CACNA2D3: variants seen among roughly 807,000 people sequenced by gnomAD.
CACNA2D3 encodes voltage-dependent calcium channel subunit alpha-2/delta-3.
Under a neutral mutation model 160.6 loss-of-function variants are expected in CACNA2D3, and 60 were observed. That is an observed-to-expected ratio of 0.37 (90% CI 0.30 to 0.46). The LOEUF is 0.46. Among genes scored for constraint, CACNA2D3 ranks in the 20% least tolerant of loss-of-function variants. The pLI, the probability that CACNA2D3 is intolerant of heterozygous loss-of-function variation, is 1.00. For missense variants in CACNA2D3, 1,205 were observed against 1,365.0 expected, an observed-to-expected ratio of 0.88 and a Z score of 1.85; for synonymous variants, 558 against 492.9, an observed-to-expected ratio of 1.13 and a Z score of -1.75.
At chr3:55,040,154 TTTC>T in intron 35 of CACNA2D3, among the ~76,000 whole-genome samples, 1 of 152,170 alleles carries the variant, frequency 6.6e-6, no homozygotes, top group East Asian at 1.9e-4. Flanking sequence ...TCGTCTCTGG[TTTC>T]TTCTTAGGAG....
chr3:54,999,467 T>G (rs991769652), intron 31 of CACNA2D3, among the ~76,000 whole-genome samples: 4 of 152,234 alleles, frequency 2.6e-5, no homozygotes, highest in African/African-American at 9.6e-5. Context: ...GTCATTTTGC[T>G]TCTCAGACTT....
intron 5 of CACNA2D3, among the ~76,000 whole-genome samples, chr3:54,524,156 A>G (rs925365695): frequency 6.6e-6 from 1 of 152,070 alleles, no homozygotes; most frequent in African/African-American, 2.4e-5. Flanking sequence ...ATTTTTCTCT[A>G]AACACTGCTG....
chr3:54,513,529 T>A (rs79717505), intron 5 of CACNA2D3, among the ~76,000 whole-genome samples: 67 of 152,292 alleles, frequency 4.4e-4, no homozygotes, highest in African/African-American at 1.6e-3. Context: ...TGCTCAGAAT[T>A]ACTCAGCTAG....
At chr3:54,187,821 C>G (rs1225539090) in intron 2 of CACNA2D3, among the ~76,000 whole-genome samples, 1 of 152,162 alleles carries the variant, frequency 6.6e-6, no homozygotes, top group African/African-American at 2.4e-5. Context: ...GAATCTAATG[C>G]CACCGCTGCC....
chr3:54,393,569 C>G (rs370533101), intron 4 of CACNA2D3, among the ~76,000 whole-genome samples: 20 of 152,348 alleles, frequency 1.3e-4, no homozygotes, highest in African/African-American at 4.6e-4. Flanking sequence ...CCTACCCCTC[C>G]CAGTCACTAT....
At chr3:54,562,733 G>A in intron 5 of CACNA2D3, 67 bp from the exon 6 acceptor site, 1 of 1,400,520 alleles carries the variant, frequency 7.1e-7, no homozygotes, top group South Asian at 1.2e-5. Flanking sequence ...AAGCAGCGTG[G>A]GATGCCAGGA....
intron 29 of CACNA2D3, among the ~76,000 whole-genome samples, chr3:54,978,981 T>C (rs1309238831): frequency 6.6e-6 from 1 of 152,256 alleles, no homozygotes; most frequent in Non-Finnish European, 1.5e-5. Context: ...CCTGATTATT[T>C]GTATACAGTG....
chr3:55,052,270 T>G (rs1008236836), intron 35 of CACNA2D3, among the ~76,000 whole-genome samples: 4 of 152,210 alleles, frequency 2.6e-5, no homozygotes, highest in Admixed American at 6.5e-5. Flanking sequence ...GATTTGGAGT[T>G]CTATTTTATT....
At chr3:54,340,877 G>T (rs1470903819) in intron 3 of CACNA2D3, among the ~76,000 whole-genome samples, 1 of 152,082 alleles carries the variant, frequency 6.6e-6, no homozygotes, top group Non-Finnish European at 1.5e-5. Flanking sequence ...TAATCAGAGG[G>T]TCCCCACACT....
At chr3:54,407,100 G>A (rs558726804) in intron 4 of CACNA2D3, among the ~76,000 whole-genome samples, 9 of 152,202 alleles carry the variant, frequency 5.9e-5, no homozygotes, top group Non-Finnish European at 1.0e-4. Flanking sequence ...CTTGAGTGGA[G>A]GAAATGACTA....
At chr3:54,191,394 TCAA>T (rs1051371159) in intron 2 of CACNA2D3, among the ~76,000 whole-genome samples, 9 of 96,066 alleles carry the variant, frequency 9.4e-5, no homozygotes, top group African/African-American at 3.9e-4. Context: ...TTTTAAAACA[TCAA>T]CATCATCATC....
chr3:54,208,505 G>T (rs1438983695), intron 2 of CACNA2D3, among the ~76,000 whole-genome samples: 2 of 152,182 alleles, frequency 1.3e-5, no homozygotes, highest in Non-Finnish European at 1.5e-5. Flanking sequence ...GTATGGAATT[G>T]TCAATCTCTG....
chr3:54,787,874 G>T (rs1413881131), intron 13 of CACNA2D3, among the ~76,000 whole-genome samples: 1 of 152,170 alleles, frequency 6.6e-6, no homozygotes, highest in African/African-American at 2.4e-5. Context: ...AGGCAGAAAA[G>T]GTAAAGGACA....
rs6769471 is a variant in CACNA2D3, at chr3:54,393,677, G to A, written c.381+6903G>A. On this transcript the variant is annotated intron_variant, in intron 4 of 37. Coordinates refer to ENST00000474759, the MANE Select transcript of CACNA2D3 (RefSeq NM_018398.3). ...GAGCAGTAAGGCTTCCTGTGCCTGA[G>A]CTAAAGAGGTACATCAACTCGTGGG... 3.2e-3 allele frequency among the ~76,000 whole-genome samples: 481 copies of A among 152,340 alleles called. 2 individuals are homozygous for A. The highest frequency in any genetic ancestry group is 0.011 in the African/African-American group (462 of 41,572).
At chr3:54,666,757 C>G (rs1700075087) in intron 11 of CACNA2D3, among the ~76,000 whole-genome samples, 2 of 152,198 alleles carry the variant, frequency 1.3e-5, no homozygotes. Flanking sequence ...GACAAAAGAT[C>G]AGTCTTATTT....
intron 9 of CACNA2D3, among the ~76,000 whole-genome samples, chr3:54,605,240 A>G (rs1363587977): frequency 1.3e-5 from 2 of 152,214 alleles, no homozygotes; most frequent in Admixed American, 1.3e-4. Flanking sequence ...TTACATCTGC[A>G]GCAACCCTTC....
intron 3 of CACNA2D3, among the ~76,000 whole-genome samples, chr3:54,342,171 A>C (rs1698366851): frequency 6.6e-6 from 1 of 152,204 alleles, no homozygotes; most frequent in Admixed American, 6.5e-5. Flanking sequence ...GTAGTATAAT[A>C]TTACTGTCTC....
In CACNA2D3 at chr3:54,533,027, AATTTGC is replaced by A. The variant is rs1221181916; in HGVS notation, c.544+29378_544+29383del. 5.9e-5 allele frequency among the ~76,000 whole-genome samples: 9 copies of A among 152,090 alleles called. No individual in the cohort carries two copies. The East Asian group carries it at 1.6e-3, about 26-fold the overall frequency. ...TAAGACGGTATCACATTGTGGCTTTAATTTGCATTTCTCTCATGATTAGTGGCCATG... is the reference window on the plus strand; with the variant it reads ...TAAGACGGTATCACATTGTGGCTTTAATTTCTCTCATGATTAGTGGCCATG... On this transcript the variant is annotated intron_variant, in intron 5 of 37. Coordinates refer to ENST00000474759, the MANE Select transcript of CACNA2D3 (RefSeq NM_018398.3).
chr3:54,413,962 T>C (rs558487869), intron 4 of CACNA2D3, among the ~76,000 whole-genome samples: 2 of 151,606 alleles, frequency 1.3e-5, no homozygotes, highest in African/African-American at 2.4e-5. Flanking sequence ...TCTTATAGTA[T>C]GCTAGACATT....
Sources: allele counts gnomAD v4.1 joint callset (sites outside exome capture counted in the v4.1 genomes callset), GRCh38; gene constraint gnomAD v4.1.1; transcripts MANE v1.5; gene names NCBI Gene and HGNC (gene_info 2026-07-23, HGNC 2026-07-21).